Variants in CCSER1 observed in about 807,000 individuals in gnomAD.
The protein encoded by CCSER1 is coiled-coil serine rich protein 1, also known as serine-rich coiled-coil domain-containing protein 1.
Under a neutral mutation model 82.0 loss-of-function variants are expected in CCSER1, and 41 were observed. That is an observed-to-expected ratio of 0.50 (90% CI 0.39 to 0.65). CCSER1 has a LOEUF of 0.65. Among genes scored for constraint, CCSER1 ranks in the 30% least tolerant of loss-of-function variants. CCSER1 has a pLI of 0.00. For synonymous variants in CCSER1, 414 were observed against 383.9 expected (o/e 1.08, Z -0.92); for missense variants, 1,119 against 1,064.2 (o/e 1.05, Z -0.72).
At chr4:91,130,580 T>C (rs1466570400) in intron 10 of CCSER1, among the ~76,000 whole-genome samples, 3 of 151,902 alleles carry the variant, frequency 2.0e-5, no homozygotes, top group Non-Finnish European at 4.4e-5. Flanking sequence ...AAATATTTTA[T>C]GTAATGAAAA....
intron 10 of CCSER1, among the ~76,000 whole-genome samples, chr4:91,097,079 C>T (rs1469125865): frequency 6.6e-6 from 1 of 152,152 alleles, no homozygotes; most frequent in Non-Finnish European, 1.5e-5. Flanking sequence ...CCAGCCGGTG[C>T]CTGTGTGCAC....
intron 9 of CCSER1, among the ~76,000 whole-genome samples, chr4:91,038,917 G>A (rs1281572999): frequency 6.6e-6 from 1 of 152,186 alleles, no homozygotes; most frequent in East Asian, 1.9e-4. Context: ...AGGCAACCCT[G>A]AAGAAATGTT....
At chr4:91,046,244 A>G (rs1742475917) in intron 9 of CCSER1, among the ~76,000 whole-genome samples, 1 of 152,078 alleles carries the variant, frequency 6.6e-6, no homozygotes, top group Non-Finnish European at 1.5e-5. Flanking sequence ...TTCAAACCTA[A>G]TGTTGTCATC....
At chr4:91,545,064 G>A (rs1761816100) in intron 10 of CCSER1, among the ~76,000 whole-genome samples, 1 of 152,088 alleles carries the variant, frequency 6.6e-6, no homozygotes, top group African/African-American at 2.4e-5. Flanking sequence ...CCACCTTACA[G>A]TTGGATTTCA....
intron 10 of CCSER1, among the ~76,000 whole-genome samples, chr4:91,581,985 C>T (rs73836238): frequency 0.11 from 17,362 of 151,568 alleles, 1,014 homozygotes; most frequent in Middle Eastern, 0.18. Flanking sequence ...TTTCTTGTTA[C>T]GATTCTTGGA....
chr4:90,582,210 C>T lies in CCSER1; in HGVS notation c.1725-45815C>T, dbSNP rs184015554. On this transcript the variant is annotated intron_variant, in intron 5 of 10. Coordinates refer to ENST00000509176, the MANE Select transcript of CCSER1 (RefSeq NM_001145065.2). Reference sequence around the variant, plus strand: ...CTATCTGATCAAACTTGTATTGTGGCTCAAGGCAGAATATTTCGAGGATTC... The same window carrying T: ...CTATCTGATCAAACTTGTATTGTGGTTCAAGGCAGAATATTTCGAGGATTC... 4.2e-3 allele frequency among the ~76,000 whole-genome samples: 636 copies of T among 152,150 alleles called. 3 individuals carry two copies. The highest frequency in any genetic ancestry group is 0.01 in the Middle Eastern group (3 of 294).
chr4:91,522,792 C>T (rs1279965678), intron 10 of CCSER1, among the ~76,000 whole-genome samples: 2 of 152,136 alleles, frequency 1.3e-5, no homozygotes, highest in Non-Finnish European at 2.9e-5. Context: ...ATGGGGTTTT[C>T]TAAATATACA....
intron 1 of CCSER1, among the ~76,000 whole-genome samples, chr4:90,233,747 G>GA (rs1176777747): frequency 6.7e-6 from 1 of 148,980 alleles, no homozygotes; most frequent in African/African-American, 2.5e-5. Context: ...AATTATTATA[G>GA]AAAAAGCAGT....
At chr4:90,228,926 G>T (rs1450656998) in intron 1 of CCSER1, among the ~76,000 whole-genome samples, 1 of 152,128 alleles carries the variant, frequency 6.6e-6, no homozygotes, top group Admixed American at 6.5e-5. Flanking sequence ...AGAGAAAAAA[G>T]AATAAAAAGA....
At chr4:91,397,829 G>A (rs535380481) in intron 10 of CCSER1, among the ~76,000 whole-genome samples, 1 of 152,102 alleles carries the variant, frequency 6.6e-6, no homozygotes, top group Non-Finnish European at 1.5e-5. Flanking sequence ...AAATGTGATG[G>A]TGTGAAATAA....
chr4:90,401,154 A>G (rs896565916), intron 4 of CCSER1, among the ~76,000 whole-genome samples: 10 of 152,228 alleles, frequency 6.6e-5, no homozygotes, highest in Non-Finnish European at 1.5e-4. Flanking sequence ...AATACCAAAC[A>G]AGAAACTGCA....
intron 10 of CCSER1, among the ~76,000 whole-genome samples, chr4:91,180,069 G>T (rs551367596): frequency 1.3e-5 from 2 of 152,282 alleles, no homozygotes; most frequent in Non-Finnish European, 2.9e-5. Flanking sequence ...GTTTGCTGGA[G>T]GTCCACTCTA....
At chr4:90,167,606 T>G (rs2153372090) in intron 1 of CCSER1, among the ~76,000 whole-genome samples, 1 of 152,262 alleles carries the variant, frequency 6.6e-6, no homozygotes, top group Middle Eastern at 3.4e-3. Context: ...GTATATCTCC[T>G]AATGCTATCC....
chr4:91,487,160 T>G (rs1463836625), intron 10 of CCSER1, among the ~76,000 whole-genome samples: 1 of 152,072 alleles, frequency 6.6e-6, no homozygotes, highest in East Asian at 1.9e-4. Flanking sequence ...ATAGAAAAAG[T>G]AGGATTTGTT....
In CCSER1 at chr4:90,624,017, A is replaced by T. The variant is rs191110969; in HGVS notation, c.1725-4008A>T. 7.2e-4 allele frequency among the ~76,000 whole-genome samples: 109 copies of T among 152,324 alleles called. 1 individual carries two copies. In the South Asian group the frequency reaches 0.011, roughly 15 times the overall value. ...AGTATCCTAAGCTAAGGTTTTTAAA[A>T]GTTATTATTTTCTGCAGCTCTACTT... On this transcript the variant is annotated intron_variant, in intron 5 of 10. Coordinates refer to ENST00000509176, the MANE Select transcript of CCSER1 (RefSeq NM_001145065.2).
At chr4:91,561,324 T>C (rs1578793826) in intron 10 of CCSER1, among the ~76,000 whole-genome samples, 2 of 151,432 alleles carry the variant, frequency 1.3e-5, no homozygotes, top group Non-Finnish European at 3.0e-5. Context: ...GCAAATACAC[T>C]TGGGTGTCAT....
chr4:90,916,213 C>A (rs1353465594), intron 8 of CCSER1, among the ~76,000 whole-genome samples: 1 of 152,108 alleles, frequency 6.6e-6, no homozygotes, highest in Non-Finnish European at 1.5e-5. Context: ...CCAAGTCAAT[C>A]CTAAACCAAA....
chr4:91,337,504 T>C (rs115260498), intron 10 of CCSER1, among the ~76,000 whole-genome samples: 2,644 of 152,254 alleles, frequency 0.017, 31 homozygotes, highest in Non-Finnish European at 0.03. Context: ...TGATATTCCA[T>C]GCATTAGGCA....
intron 10 of CCSER1, among the ~76,000 whole-genome samples, chr4:91,158,245 T>G (rs2148969300): frequency 6.6e-6 from 1 of 152,098 alleles, no homozygotes; most frequent in South Asian, 2.1e-4. Context: ...AATATACCAA[T>G]AGCACTATTT....
Sources: gnomAD v4.1 joint callset for allele counts (sites outside exome capture counted in the v4.1 genomes callset) on GRCh38, gnomAD v4.1.1 for gene constraint, MANE v1.5 for transcripts, NCBI Gene and HGNC (gene_info 2026-07-23, HGNC 2026-07-21) for gene names.